Variants in NUBPL observed in about 807,000 individuals in gnomAD.
NUBPL encodes iron-sulfur cluster transfer protein NUBPL.
A neutral mutation model predicts 45.7 loss-of-function variants in NUBPL; 31 were observed. The observed-to-expected ratio is 0.68, with a 90% CI of 0.51 to 0.92. NUBPL has a LOEUF of 0.92. Among genes scored for constraint, NUBPL ranks in the 40% least tolerant of loss-of-function variants. The probability of loss-of-function intolerance (pLI) is 0.00; values close to 1 mark genes in which losing one functional copy is unlikely to be tolerated. For missense variants in NUBPL, 401 were observed against 398.7 expected (o/e 1.01, Z -0.05); for synonymous variants, 144 against 140.9 (o/e 1.02, Z -0.15).
At chr14:31,618,270 G>C (rs369816740) in intron 4 of NUBPL, among the ~76,000 whole-genome samples, 1 of 151,800 alleles carries the variant, frequency 6.6e-6, no homozygotes, top group Non-Finnish European at 1.5e-5. Context: ...GTGTCTCTAT[G>C]TCCTTCAGTT....
intron 3 of NUBPL, among the ~76,000 whole-genome samples, chr14:31,578,679 A>G (rs540940411): frequency 4.6e-5 from 7 of 152,362 alleles, no homozygotes; most frequent in Non-Finnish European, 4.4e-5. Context: ...CTAATTTTAC[A>G]GAAAATGGAT....
chr14:31,819,916 G>A (rs1200397063), intron 7 of NUBPL, among the ~76,000 whole-genome samples: 4 of 152,074 alleles, frequency 2.6e-5, no homozygotes, highest in East Asian at 1.9e-4. Context: ...TGAGGTGGGC[G>A]GATCACGAGG....
At chr14:31,811,563 C>G (rs1377940356) in intron 7 of NUBPL, among the ~76,000 whole-genome samples, 1 of 152,100 alleles carries the variant, frequency 6.6e-6, no homozygotes, top group Non-Finnish European at 1.5e-5. Flanking sequence ...GGGTTCAAAC[C>G]TCCTCCTGTA....
chr14:31,671,100 A>C (rs2036560018), intron 4 of NUBPL, among the ~76,000 whole-genome samples: 1 of 152,202 alleles, frequency 6.6e-6, no homozygotes. Flanking sequence ...CTTCCTATCC[A>C]TGTGCATGGG....
At chr14:31,608,579 TAAAG>T (rs1183873588) in intron 4 of NUBPL, among the ~76,000 whole-genome samples, 1 of 151,274 alleles carries the variant, frequency 6.6e-6, no homozygotes, top group Non-Finnish European at 1.5e-5. Flanking sequence ...GAAAGATAAA[TAAAG>T]AAAAAGACAT....
In NUBPL at chr14:31,729,275, T is replaced by TCC. The variant is rs369958143; in HGVS notation, c.513+55713_513+55714dup. 8.4e-3 allele frequency among the ~76,000 whole-genome samples: 468 copies of TCC among 55,510 alleles called. 22 individuals carry two copies. Among genetic ancestry groups the TCC allele is most frequent in the East Asian group, 0.014 (17 of 1,228 alleles). 36.4% of individuals were successfully genotyped at this position (55,510 alleles called of 152,430 possible). A position where few individuals can be genotyped will look rare whatever the true frequency, so the allele number is the denominator to read the frequency against. On this transcript the variant is annotated intron_variant, in intron 6 of 10. Coordinates refer to ENST00000281081, the MANE Select transcript of NUBPL (RefSeq NM_025152.3). ...GCCTGGGTGACAGAGAGATGCTCCA[T>TCC]CCCCCCCCCCCCCAAAAAAAAAGTC...
At chr14:31,835,507 C>T (rs1241401377) in intron 8 of NUBPL, among the ~76,000 whole-genome samples, 1 of 152,196 alleles carries the variant, frequency 6.6e-6, no homozygotes, top group Non-Finnish European at 1.5e-5. Context: ...ATTTACATTA[C>T]TTAGCATAGC....
intron 4 of NUBPL, among the ~76,000 whole-genome samples, chr14:31,622,515 G>GA (rs1206838981): frequency 1.3e-5 from 2 of 152,064 alleles, no homozygotes; most frequent in East Asian, 3.9e-4. Context: ...GCTTAGGAGG[G>GA]AAAAATGGTT....
Position 31,640,025 on chromosome 14 carries a change from C to T in NUBPL, c.383-33330C>T, listed in dbSNP as rs191735865. ...GACTAGGAAAGGGAACTCCCTGACC[C>T]GTTGTGCTTCCTGAGCGAGGCAGTG... is the stretch of plus-strand genomic sequence containing the variant. On this transcript the variant is annotated intron_variant, in intron 4 of 10. Transcript: ENST00000281081. Among the ~76,000 whole-genome samples the T allele has an allele frequency of 1.1e-3, 170 of 152,280 alleles. No homozygotes were observed. In the Middle Eastern group the frequency reaches 0.014, roughly 12 times the overall value.
chr14:31,673,919 T>C (rs759778577), intron 6 of NUBPL, among the ~76,000 whole-genome samples: 1 of 152,176 alleles, frequency 6.6e-6, no homozygotes, highest in Non-Finnish European at 1.5e-5. Flanking sequence ...TATTGAGTTA[T>C]AAGGGCAGTG....
At chr14:31,638,417 C>G (rs1359133151) in intron 4 of NUBPL, among the ~76,000 whole-genome samples, 1 of 151,474 alleles carries the variant, frequency 6.6e-6, no homozygotes, top group Non-Finnish European at 1.5e-5. Context: ...AATATTGGCC[C>G]CCACTCTCTT....
intron 6 of NUBPL, among the ~76,000 whole-genome samples, chr14:31,681,171 C>T (rs927791324): frequency 1.7e-4 from 26 of 151,922 alleles, no homozygotes; most frequent in Admixed American, 6.6e-4. Context: ...AGGAATTTAT[C>T]GGTGAAACCC....
chr14:31,637,199 C>A (rs1396959614), intron 4 of NUBPL, among the ~76,000 whole-genome samples: 2 of 152,156 alleles, frequency 1.3e-5, no homozygotes, highest in South Asian at 2.1e-4. Flanking sequence ...AATTTTGGAT[C>A]TTTCCTGCTT....
chr14:31,803,427 T>C lies in NUBPL; in HGVS notation c.607+15554T>C, dbSNP rs1420182813. Among the ~76,000 whole-genome samples the C allele has an allele frequency of 2.6e-5, 4 of 151,540 alleles. No homozygotes were observed. The East Asian group carries it at 5.8e-4, about 22-fold the overall frequency. On this transcript the variant is annotated intron_variant, in intron 7 of 10. Coordinates refer to ENST00000281081, the MANE Select transcript of NUBPL (RefSeq NM_025152.3). Reference sequence around the variant, plus strand: ...TTGGCTATTTTGGATTTTAGTGCTGTGTTTCCCCTAAAACTTTGTAATTTA... The same window carrying C: ...TTGGCTATTTTGGATTTTAGTGCTGCGTTTCCCCTAAAACTTTGTAATTTA...
intron 6 of NUBPL, among the ~76,000 whole-genome samples, chr14:31,717,815 G>A (rs973448033): frequency 5.3e-5 from 8 of 151,536 alleles, no homozygotes; most frequent in East Asian, 1.9e-4. Context: ...TTTCGGCCCC[G>A]ACTACTGAAC....
At chr14:31,666,249 A>ATC (rs1555326183) in intron 4 of NUBPL, among the ~76,000 whole-genome samples, 1 of 35,052 alleles carries the variant, frequency 2.9e-5, no homozygotes. Context: ...ATATATATAT[A>ATC]TATATATATA....
At chr14:31,602,158 A>G (rs570846539) in intron 4 of NUBPL, among the ~76,000 whole-genome samples, 2 of 151,754 alleles carry the variant, frequency 1.3e-5, no homozygotes, top group East Asian at 3.9e-4. Flanking sequence ...CAAACACTGC[A>G]TGTTCTCACT....
intron 7 of NUBPL, among the ~76,000 whole-genome samples, chr14:31,823,676 A>T (rs1338697096): frequency 6.6e-6 from 1 of 152,142 alleles, no homozygotes; most frequent in Admixed American, 6.5e-5. Context: ...GAAACTATCT[A>T]GTGCAGGCAT....
intron 6 of NUBPL, among the ~76,000 whole-genome samples, chr14:31,745,329 G>A (rs2038374671): frequency 6.6e-6 from 1 of 152,056 alleles, no homozygotes; most frequent in South Asian, 2.1e-4. Context: ...GTGATAGTTT[G>A]CTGAGAATGA....
Sources: allele counts gnomAD v4.1 joint callset (sites outside exome capture counted in the v4.1 genomes callset), GRCh38; gene constraint gnomAD v4.1.1; transcripts MANE v1.5; gene names NCBI Gene and HGNC (gene_info 2026-07-23, HGNC 2026-07-21).